Variants in BBS5 observed in about 807,000 individuals in gnomAD.
The protein encoded by BBS5 is BBSome complex member BBS5.
Under a neutral mutation model 50.2 loss-of-function variants are expected in BBS5, and 39 were observed. The observed-to-expected ratio is 0.78, with a 90% confidence interval of 0.60 to 1.01. The LOEUF (loss-of-function observed/expected upper bound fraction) is 1.01, where lower values mean the gene tolerates loss of function less well. Ranked by LOEUF, BBS5 falls within the 50% of genes least tolerant of loss-of-function variation. The pLI, the probability that BBS5 is intolerant of heterozygous loss-of-function variation, is 0.00. For missense variants in BBS5, 356 were observed against 401.5 expected (o/e 0.89, Z 0.97); for synonymous variants, 134 against 133.1 (o/e 1.01, Z -0.05).
rs146685307 is a variant in BBS5 at position 169,493,990 on chromosome 2, A to G, written c.618+154A>G. ...ATTTTAAAGATGCTGATAATTTACTATGAAATATTTCAATGTAGAAAAGAT... is the reference window on the plus strand; with the variant it reads ...ATTTTAAAGATGCTGATAATTTACTGTGAAATATTTCAATGTAGAAAAGAT... On this transcript the variant is annotated intron_variant, in intron 7 of 11. Transcript: ENST00000295240. Among the ~76,000 whole-genome samples the G allele has an allele frequency of 8.9e-3, 1,362 of 152,330 alleles. 28 individuals are homozygous for G. The highest frequency in any genetic ancestry group is 0.031 in the African/African-American group (1,286 of 41,572).
In BBS5 at chr2:169,504,838, CT is replaced by C; in HGVS notation, c.*257del. On this transcript the variant is annotated 3_prime_UTR_variant, in exon 12 of 12. Coordinates refer to ENST00000295240, the MANE Select transcript of BBS5 (RefSeq NM_152384.3). ...TGGCTTAAGCCATGGCTGAGGGTAG[CT>C]GGATTCCTCAGGCCCGGGCGCTCCT... 1 of 1,604,862 alleles carries C rather than the reference CT, an allele frequency of 6.2e-7. No homozygotes were observed. Among genetic ancestry groups the C allele is most frequent in the Non-Finnish European group, 8.5e-7 (1 of 1,175,498 alleles).
intron 7 of BBS5, among the ~76,000 whole-genome samples, chr2:169,495,542 C>T (rs1298019546): frequency 6.6e-6 from 1 of 152,226 alleles, no homozygotes; most frequent in African/African-American, 2.4e-5. Flanking sequence ...ACCCTGACCC[C>T]ACTCCTATAG....
chr2:169,497,815 T>A (rs530030140), intron 8 of BBS5, 126 bp downstream of exon 8: 1 of 673,148 alleles, frequency 1.5e-6, no homozygotes, highest in South Asian at 1.8e-5. Flanking sequence ...TATGAAGTTA[T>A]ATATGAAGTG....
chr2:169,484,134 G>T (rs771942363), intron 2 of BBS5, among the ~76,000 whole-genome samples: 1 of 152,194 alleles, frequency 6.6e-6, no homozygotes, highest in Admixed American at 6.5e-5. Flanking sequence ...TATAATTCCA[G>T]TACTTTGGGA....
chr2:169,491,594 T>C (rs935101232), intron 5 of BBS5, among the ~76,000 whole-genome samples: 7 of 152,134 alleles, frequency 4.6e-5, no homozygotes, highest in Non-Finnish European at 1.0e-4. Context: ...TCAATAGACA[T>C]TGAAAAAGTT....
At chr2:169,492,007 G>A (rs903905727) in intron 5 of BBS5, among the ~76,000 whole-genome samples, 1 of 151,874 alleles carries the variant, frequency 6.6e-6, no homozygotes, top group Admixed American at 6.6e-5. Flanking sequence ...ATGTTGGCCA[G>A]GCTGCTCTCA....
chr2:169,500,713 C>G (rs1683786584), intron 9 of BBS5, among the ~76,000 whole-genome samples: 1 of 152,212 alleles, frequency 6.6e-6, no homozygotes, highest in Non-Finnish European at 1.5e-5. Flanking sequence ...TTTTCTCTCC[C>G]TGTCGAATTC....
intron 8 of BBS5, 159 bp from the exon 9 acceptor site, chr2:169,499,327 T>C (rs1306655772): frequency 1.4e-6 from 1 of 734,518 alleles, no homozygotes; most frequent in Non-Finnish European, 2.2e-6. Context: ...TCTGTTTTTG[T>C]ATGTGCTTGA....
In BBS5 at chr2:169,487,831, T is replaced by C. The variant is rs1304114324; in HGVS notation, c.234T>C (p.Asn78=). 1 of 1,608,500 alleles carries C rather than the reference T, an allele frequency of 6.2e-7. No individual in the cohort carries two copies. The change falls in exon 4 of 12, where the codon AAT becomes AAC. Residue 78 remains asparagine (N), a synonymous_variant. Transcript: ENST00000295240. The part of the protein sequence containing the change: ...NVSVGYNCIL[N]ITTRTANSKL... Reference sequence around the variant, plus strand: ...CTGTCGGTTACAATTGCATATTGAATATTACAACAAGGACTGCTAACTCTG... The same window carrying C: ...CTGTCGGTTACAATTGCATATTGAACATTACAACAAGGACTGCTAACTCTG...
intron 9 of BBS5, among the ~76,000 whole-genome samples, chr2:169,502,096 G>T (rs180730376): frequency 7.2e-5 from 11 of 152,140 alleles, no homozygotes; most frequent in Admixed American, 3.9e-4. Context: ...CACTATAAAT[G>T]ATCTCCCTGA....
chr2:169,486,979 C>A, intron 2 of BBS5, 90 bp from the exon 3 acceptor site: 1 of 849,442 alleles, frequency 1.2e-6, no homozygotes, highest in Non-Finnish European at 2.1e-6. Flanking sequence ...GCTTCTAATA[C>A]TGGGCCAGAA....
At chr2:169,496,673 T>C (rs1298252549) in intron 7 of BBS5, among the ~76,000 whole-genome samples, 1 of 151,748 alleles carries the variant, frequency 6.6e-6, no homozygotes, top group Non-Finnish European at 1.5e-5. Flanking sequence ...ATCGAGACCA[T>C]CCCGGCTAAA....
At chr2:169,488,716 A>C (rs980807156) in intron 5 of BBS5, among the ~76,000 whole-genome samples, 1 of 152,252 alleles carries the variant, frequency 6.6e-6, no homozygotes, top group Non-Finnish European at 1.5e-5. Flanking sequence ...GATGTTGAGA[A>C]CAACATGTTT....
Position 169,504,475 on chromosome 2 carries a change from A to G in BBS5, c.925-6A>G. ...TTCCCATCTTATCCTCCTGTCTCCC[A>G]AAAAGCAACAAGATCGTGAACCTGT... On this transcript the variant is annotated splice_polypyrimidine_tract_variant and splice_region_variant and intron_variant, in intron 11 of 11. Transcript: ENST00000295240. The G allele has an allele frequency of 6.2e-7, 1 of 1,612,934 alleles. No homozygotes were observed. The highest frequency in any genetic ancestry group is 8.5e-7 in the Non-Finnish European group (1 of 1,179,022).
intron 2 of BBS5, among the ~76,000 whole-genome samples, chr2:169,483,307 A>G (rs1196764109): frequency 6.6e-6 from 1 of 151,964 alleles, no homozygotes; most frequent in Non-Finnish European, 1.5e-5. Context: ...CAGAGACCTT[A>G]TTTTTAAATG....
rs1212959110 is a variant in BBS5 at position 169,505,955 on chromosome 2, G to T, written c.*1373G>T. On this transcript the variant is annotated 3_prime_UTR_variant, in exon 12 of 12. Coordinates refer to ENST00000295240, the MANE Select transcript of BBS5 (RefSeq NM_152384.3). The stretch of plus-strand genomic sequence containing the variant: ...AGCCACCCCGTCCGGGAGGGAGGTG[G>T]GGGGGTCAGCCCCCCGCCCGGCCAG... 23 of 57,162 alleles carry T rather than the reference G, an allele frequency of 4.0e-4. No individual in the cohort carries two copies. Among genetic ancestry groups the T allele is most frequent in the Middle Eastern group, 0.017 (1 of 58 alleles). 3.5% of individuals were successfully genotyped at this position (57,162 alleles called of 1,614,324 possible). A position where few individuals can be genotyped will look rare whatever the true frequency, so the allele number is the denominator to read the frequency against.
In BBS5 at chr2:169,499,597, G is replaced by A; in HGVS notation, c.793G>A (p.Val265Ile). 2.5e-6 allele frequency: 4 copies of A among 1,613,924 alleles called. No homozygotes were observed. The highest frequency in any genetic ancestry group is 3.4e-6 in the Non-Finnish European group (4 of 1,179,872). ...KVYSASPIFG[V>I]DYEMEEKPQP... ...CTATTCTGCCAGTCCCATATTTGGA[G>A]TTGATTATGAGATGGAAGAAAAGGT... is the stretch of plus-strand genomic sequence containing the variant. The change falls in exon 9 of 12, where the codon GTT becomes ATT. Residue 265 changes from valine to isoleucine, a missense_variant. Physicochemically the swap from Val to Ile is conservative, Grantham distance 29. Transcript: ENST00000295240.
intron 6 of BBS5, 97 bp downstream of exon 6, chr2:169,493,106 A>G (rs1683630662): frequency 7.1e-6 from 10 of 1,412,250 alleles, no homozygotes; most frequent in Non-Finnish European, 1.0e-5. Flanking sequence ...TAATTGTTAA[A>G]ATTAGCATTA....
At chr2:169,481,029 A>G (rs1000515853) in intron 1 of BBS5, among the ~76,000 whole-genome samples, 3 of 152,196 alleles carry the variant, frequency 2.0e-5, no homozygotes, top group African/African-American at 7.2e-5. Context: ...AGTCCGTTTC[A>G]GTAACATTAG....
Sources: gnomAD v4.1 joint callset for allele counts (sites outside exome capture counted in the v4.1 genomes callset) on GRCh38, gnomAD v4.1.1 for gene constraint, MANE v1.5 for transcripts, NCBI Gene and HGNC (gene_info 2026-07-23, HGNC 2026-07-21) for gene names.